The following GRIN2A variants were observed in gnomAD, a reference collection of about 807,000 sequenced individuals.
GRIN2A encodes glutamate receptor ionotropic, NMDA 2A.
In GRIN2A, 22 loss-of-function variants were observed where a neutral mutation model predicts 113.4. The ratio of observed to expected loss-of-function variants is 0.19; its 90% CI spans 0.14 to 0.28. GRIN2A has a LOEUF of 0.28. Ranked by LOEUF, GRIN2A falls within the 10% of genes least tolerant of loss-of-function variation. The probability of loss-of-function intolerance (pLI) is 1.00; values close to 1 mark genes in which losing one functional copy is unlikely to be tolerated. For synonymous variants in GRIN2A, 827 were observed against 738.4 expected (o/e 1.12, Z -1.94); for missense variants, 1,502 against 1,887.0 (o/e 0.80, Z 3.78).
intron 10 of GRIN2A, among the ~76,000 whole-genome samples, chr16:9,802,950 G>T (rs1445136245): frequency 2.0e-5 from 3 of 151,934 alleles, no homozygotes; most frequent in Non-Finnish European, 4.4e-5. Flanking sequence ...CTCCCTTTTT[G>T]CTCTGACCCA....
In GRIN2A at chr16:9,764,199, G is replaced by T. The variant is rs751372210; in HGVS notation, c.3345C>A (p.Asp1115Glu). 4.4e-6 allele frequency: 7 copies of T among 1,609,082 alleles called. No individual in the cohort carries two copies. Among genetic ancestry groups the T allele is most frequent in the East Asian group, 2.2e-5 (1 of 44,712 alleles). The change falls in exon 13 of 13, where the codon GAC becomes GAA. Residue 1115 changes from aspartate to glutamate, a missense_variant. Around this residue, in one of 7 missense-constraint regions of GRIN2A, gnomAD observed 832 missense variants for 789.7 expected, o/e 1.05. Coordinates refer to ENST00000330684, the MANE Select transcript of GRIN2A (RefSeq NM_001134407.3). ...TCTCACCATCTATAGTGTAGATCTT[G>T]TCTCTAGGGGAGCTTGATTTGGTTT... Reference protein sequence around the residue: ...YLKTKSSSPRDKIYTIDGEKE... With the variant: ...YLKTKSSSPREKIYTIDGEKE...
intron 2 of GRIN2A, among the ~76,000 whole-genome samples, chr16:10,177,783 A>C (rs561248439): frequency 1.3e-5 from 2 of 152,178 alleles, no homozygotes; most frequent in Admixed American, 1.3e-4. Context: ...GTTGGTCACA[A>C]CCTGCCATTC....
chr16:9,788,914 T>C (rs554127273), intron 11 of GRIN2A, among the ~76,000 whole-genome samples: 16 of 151,922 alleles, frequency 1.1e-4, no homozygotes, highest in Non-Finnish European at 1.9e-4. Flanking sequence ...GGCTAATTTT[T>C]GTATTTTTTA....
chr16:9,995,222 C>T (rs2046201082), intron 2 of GRIN2A, among the ~76,000 whole-genome samples: 2 of 152,126 alleles, frequency 1.3e-5, no homozygotes, highest in Admixed American at 1.3e-4. Flanking sequence ...CTGGAGACTG[C>T]AGAGGGTTTG....
At chr16:10,050,756 T>G (rs2047345183) in intron 2 of GRIN2A, among the ~76,000 whole-genome samples, 1 of 152,046 alleles carries the variant, frequency 6.6e-6, no homozygotes, top group African/African-American at 2.4e-5. Flanking sequence ...AAAACTGTCT[T>G]CCACGAAACT....
At chr16:9,952,374 T>A (rs895207328) in intron 2 of GRIN2A, among the ~76,000 whole-genome samples, 21 of 151,758 alleles carry the variant, frequency 1.4e-4, no homozygotes, top group African/African-American at 4.8e-4. Flanking sequence ...GAGGACAGTG[T>A]ACAAAGACAG....
intron 2 of GRIN2A, among the ~76,000 whole-genome samples, chr16:10,021,522 A>T (rs923351096): frequency 6.6e-6 from 1 of 152,192 alleles, no homozygotes; most frequent in African/African-American, 2.4e-5. Context: ...TACCAATGGT[A>T]GACTTTGAAA....
intron 10 of GRIN2A, among the ~76,000 whole-genome samples, chr16:9,804,633 T>G (rs1309585071): frequency 1.3e-5 from 2 of 151,820 alleles, no homozygotes; most frequent in Non-Finnish European, 2.9e-5. Flanking sequence ...CTGCCTCCAC[T>G]CCCTATAGAA....
At chr16:9,933,012 G>T (rs921806582) in intron 3 of GRIN2A, among the ~76,000 whole-genome samples, 4 of 152,186 alleles carry the variant, frequency 2.6e-5, no homozygotes, top group Non-Finnish European at 5.9e-5. Flanking sequence ...AACAGGTCAT[G>T]GTTTACCTTC....
At chr16:9,899,844 A>G (rs1050417844) in intron 3 of GRIN2A, among the ~76,000 whole-genome samples, 3 of 152,202 alleles carry the variant, frequency 2.0e-5, no homozygotes, top group Admixed American at 6.5e-5. Flanking sequence ...CACACTAAAT[A>G]TTTGATTCCA....
At chr16:10,066,564 C>T (rs1395767224) in intron 2 of GRIN2A, among the ~76,000 whole-genome samples, 2 of 152,166 alleles carry the variant, frequency 1.3e-5, no homozygotes, top group African/African-American at 4.8e-5. Flanking sequence ...AGACCTCACT[C>T]ACAATCACTT....
intron 2 of GRIN2A, among the ~76,000 whole-genome samples, chr16:10,150,030 G>A (rs1422783125): frequency 1.3e-5 from 2 of 152,190 alleles, no homozygotes; most frequent in African/African-American, 2.4e-5. Context: ...AAATGGAAGC[G>A]AGGTGCAGAA....
At chr16:9,998,962 A>G (rs546387492) in intron 2 of GRIN2A, among the ~76,000 whole-genome samples, 80 of 152,304 alleles carry the variant, frequency 5.3e-4, no homozygotes, top group Non-Finnish European at 9.7e-4. Flanking sequence ...TGGAATATAC[A>G]AAGAATCCTT....
chr16:9,772,911 G>A (rs183292894), intron 11 of GRIN2A, among the ~76,000 whole-genome samples: 1 of 93,232 alleles, frequency 1.1e-5, no homozygotes, highest in East Asian at 3.2e-4. Flanking sequence ...TGGTAAAGCA[G>A]ACTTCAATTT....
intron 2 of GRIN2A, among the ~76,000 whole-genome samples, chr16:9,942,443 A>G (rs144722097): frequency 2.0e-5 from 3 of 152,242 alleles, no homozygotes; most frequent in East Asian, 1.9e-4. Context: ...TTCTTTACCT[A>G]TAAGATAGGA....
Position 10,097,079 on chromosome 16 carries a change from G to A in GRIN2A, c.414+82919C>T, listed in dbSNP as rs150037384. ...GTTTCAACTCTTCTGAAAACATCAG[G>A]GAAAAAGTCCCAAACACCCTACAAC... On this transcript the variant is annotated intron_variant, in intron 2 of 12. Transcript: ENST00000330684. 2.6e-3 allele frequency among the ~76,000 whole-genome samples: 389 copies of A among 152,158 alleles called. 1 individual carries two copies. Among genetic ancestry groups the A allele is most frequent in the African/African-American group, 9.2e-3 (381 of 41,494 alleles).
chr16:9,959,404 C>G (rs1484342170), intron 2 of GRIN2A, among the ~76,000 whole-genome samples: 1 of 152,216 alleles, frequency 6.6e-6, no homozygotes, highest in Non-Finnish European at 1.5e-5. Context: ...CATAGGAGCT[C>G]ATAATAGGCT....
At chr16:9,840,358 GAACTCACTC>G (rs912145366) in intron 7 of GRIN2A, among the ~76,000 whole-genome samples, 15 of 152,052 alleles carry the variant, frequency 9.9e-5, no homozygotes, top group African/African-American at 3.6e-4. Context: ...GATCTCATGA[GAACTCACTC>G]ATTATCACAA....
chr16:9,777,715 G>C (rs935853593), intron 11 of GRIN2A, among the ~76,000 whole-genome samples: 1 of 152,124 alleles, frequency 6.6e-6, no homozygotes, highest in Admixed American at 6.5e-5. Flanking sequence ...GTGATTAGTC[G>C]CACAAGTTGG....
Sources: gnomAD v4.1 joint callset for allele counts (sites outside exome capture counted in the v4.1 genomes callset) on GRCh38, gnomAD v4.1.1 for gene constraint, gnomAD v4.1.1 regional missense constraint, MANE v1.5 for transcripts, NCBI Gene and HGNC (gene_info 2026-07-23, HGNC 2026-07-21) for gene names.